Variants in CMYA5 observed in about 807,000 individuals in gnomAD.
CMYA5 encodes the protein cardiomyopathy associated 5.
A neutral mutation model predicts 318.9 loss-of-function variants in CMYA5; 246 were observed. The observed-to-expected ratio is 0.77, with a 90% confidence interval of 0.70 to 0.86. The LOEUF (loss-of-function observed/expected upper bound fraction) is 0.86. Ranked by LOEUF, CMYA5 falls within the 40% of genes least tolerant of loss-of-function variation. The probability of loss-of-function intolerance (pLI) is 0.00; values close to 1 mark genes in which losing one functional copy is unlikely to be tolerated. For synonymous variants in CMYA5, 1,641 were observed against 1,729.5 expected, an observed-to-expected ratio of 0.95 and a Z score of 1.27; for missense variants, 4,589 against 4,678.2, an observed-to-expected ratio of 0.98 and a Z score of 0.56.
intron 2 of CMYA5, among the ~76,000 whole-genome samples, chr5:79,741,131 G>A (rs1384712849): frequency 6.6e-6 from 1 of 152,080 alleles, no homozygotes; most frequent in Non-Finnish European, 1.5e-5. Context: ...TCCCTCTTTG[G>A]CCTCCCAAAG....
At position 79,745,280 on chromosome 5, in the gene CMYA5, A is replaced by C. The variant is rs1828297655; in HGVS notation, c.10793A>C (p.Lys3598Thr). The change falls in exon 4 of 13, where the codon AAG becomes ACG. Residue 3598 changes from lysine to threonine, a missense_variant. Physicochemically the swap from Lys to Thr is moderately conservative, Grantham distance 78. Around this residue, in one of 3 missense-constraint regions of CMYA5, gnomAD observed 2,431 missense variants for 2,495.1 expected, o/e 0.97. Transcript: ENST00000446378. Reference protein sequence around the residue: ...LEEQNEEMMKKVLAQYDEKAQ... With the variant: ...LEEQNEEMMKTVLAQYDEKAQ... ...GAACAGAATGAGGAAATGATGAAGA[A>C]GGTTTTAGCACAGTATGATGAGAAA... 1 of 1,612,380 alleles carries C rather than the reference A, an allele frequency of 6.2e-7. No homozygotes were observed. Among genetic ancestry groups the C allele is most frequent in the African/African-American group, 1.3e-5 (1 of 74,918 alleles).
At chr5:79,742,499 T>C (rs978847896) in intron 2 of CMYA5, among the ~76,000 whole-genome samples, 9 of 152,154 alleles carry the variant, frequency 5.9e-5, no homozygotes, top group Admixed American at 4.6e-4. Context: ...TTGGCAACTT[T>C]TTAAAAATAA....
intron 9 of CMYA5, among the ~76,000 whole-genome samples, chr5:79,778,347 T>C (rs903238890): frequency 2.0e-5 from 3 of 152,226 alleles, no homozygotes; most frequent in African/African-American, 7.2e-5. Flanking sequence ...ACTGTCTCTA[T>C]AGAGGTTGTA....
intron 5 of CMYA5, 37 bp from the exon 6 acceptor site, chr5:79,752,639 A>G (rs756464718): frequency 3.5e-6 from 5 of 1,446,792 alleles, no homozygotes; most frequent in East Asian, 2.3e-5. Flanking sequence ...GTATGTTAAT[A>G]ATTTTTTAAC....
chr5:79,745,565 A>G (rs1212677459), intron 4 of CMYA5, 110 bp downstream of exon 4: 1 of 745,684 alleles, frequency 1.3e-6, no homozygotes, highest in Non-Finnish European at 2.2e-6. Flanking sequence ...TCTGTGTGGG[A>G]TTTATATAAT....
intron 9 of CMYA5, among the ~76,000 whole-genome samples, chr5:79,788,057 T>G (rs1292763897): frequency 6.6e-6 from 1 of 152,086 alleles, no homozygotes; most frequent in Non-Finnish European, 1.5e-5. Context: ...AGAATGAACA[T>G]GAAGGCTATT....
Position 79,791,041 on chromosome 5 carries a change from A to G in CMYA5, c.11761A>G (p.Ser3921Gly). 6.2e-7 allele frequency: 1 copy of G among 1,613,772 alleles called. No individual in the cohort carries two copies. The highest frequency in any genetic ancestry group is 1.1e-5 in the South Asian group (1 of 91,002). Residue 3921 changes from serine (S) to glycine (G), a missense_variant, in exon 11 of 13, where the codon AGC becomes GGC. Ser to Gly is a moderately conservative substitution (Grantham distance 56). Coordinates refer to ENST00000446378, the MANE Select transcript of CMYA5 (RefSeq NM_153610.5). ...CATTTCCTCAAGTGGGACAGTGATC[A>G]GCTTTGGTGAGAGGAGACGGCTGAC... is the stretch of plus-strand genomic sequence containing the variant. The part of the protein sequence containing the change: ...LHISSSGTVI[S>G]FGERRRLTEI...
chr5:79,757,014 GA>G (rs1687113463), intron 6 of CMYA5, among the ~76,000 whole-genome samples: 1 of 151,986 alleles, frequency 6.6e-6, no homozygotes, highest in South Asian at 2.1e-4. Context: ...CCAACACGGT[GA>G]AACCCCATCT....
At chr5:79,758,699 C>T in intron 6 of CMYA5, 54 bp from the exon 7 acceptor site, 4 of 1,456,324 alleles carry the variant, frequency 2.7e-6, no homozygotes, top group Non-Finnish European at 3.7e-6. Context: ...TAACTTGTGC[C>T]CAAAAAATTA....
chr5:79,761,042 A>G (rs907619488), intron 7 of CMYA5, among the ~76,000 whole-genome samples: 3 of 152,322 alleles, frequency 2.0e-5, no homozygotes, highest in Admixed American at 6.5e-5. Context: ...TGAAATTACC[A>G]TAGGCAAAAT....
intron 1 of CMYA5, among the ~76,000 whole-genome samples, chr5:79,707,720 T>C (rs1827300855): frequency 6.6e-6 from 1 of 152,226 alleles, no homozygotes; most frequent in Non-Finnish European, 1.5e-5. Context: ...ATGAGCCACC[T>C]GTTGAACTAA....
chr5:79,758,812 G>A lies in CMYA5; in HGVS notation c.11170G>A (p.Ala3724Thr), dbSNP rs780025832. 5 of 1,600,320 alleles carry A rather than the reference G, an allele frequency of 3.1e-6. No homozygotes were observed. Among genetic ancestry groups the A allele is most frequent in the Admixed American group, 3.4e-5 (2 of 58,146 alleles). Residue 3724 changes from alanine (A) to threonine (T), a missense_variant, in exon 7 of 13, where the codon GCA becomes ACA. Physicochemically the swap from Ala to Thr is moderately conservative, Grantham distance 58 (BLOSUM62 0). This residue lies in a region of CMYA5 where 2,431 missense variants were observed against 2,495.1 expected (regional missense o/e 0.97). Coordinates refer to ENST00000446378, the MANE Select transcript of CMYA5 (RefSeq NM_153610.5). ...EPNSATSTTI[A>T]VYWSMNKEDV... ...AAATTCTGCCACCAGCACAACAATT[G>A]CAGTTTACTGGAGCATGAACAAGGA... is the stretch of plus-strand genomic sequence containing the variant.
chr5:79,789,773 A>G (rs947339040), intron 10 of CMYA5, among the ~76,000 whole-genome samples: 1 of 152,112 alleles, frequency 6.6e-6, no homozygotes, highest in Non-Finnish European at 1.5e-5. Context: ...ATTTGTGGAT[A>G]TGGTGTGTGT....
chr5:79,761,770 CT>C, intron 7 of CMYA5, 40 bp from the exon 8 acceptor site: 1 of 1,573,132 alleles, frequency 6.4e-7, no homozygotes, highest in Non-Finnish European at 8.6e-7. Context: ...TTTTAATTAA[CT>C]TTGGAAGATG....
At chr5:79,699,311 A>C (rs1827133239) in intron 1 of CMYA5, among the ~76,000 whole-genome samples, 1 of 152,108 alleles carries the variant, frequency 6.6e-6, no homozygotes, top group Non-Finnish European at 1.5e-5. Flanking sequence ...CCTCCTAACA[A>C]ATCATCTTGT....
In CMYA5 at chr5:79,728,924, C is replaced by A. The variant is rs189499447; in HGVS notation, c.159C>A (p.Asp53Glu). ...TTGTTATTTGCTATAGGTTATCAGA[C>A]CAGGATGAAGAGGGAAAGATCAAGC... ...SEEEPDSRLS[D>E]QDEEGKIKQE... Residue 53 changes from aspartate (D) to glutamate (E), a missense_variant, in exon 2 of 13, where the codon GAC (aspartate) becomes GAA (glutamate). This residue lies in a region of CMYA5 where 2,132 missense variants were observed against 2,131.3 expected (regional missense o/e 1.00). Transcript: ENST00000446378. The A allele has an allele frequency of 6.4e-3, 9,925 of 1,547,718 alleles. 40 individuals carry two copies. Among genetic ancestry groups the A allele is most frequent in the Non-Finnish European group, 7.8e-3 (8,970 of 1,146,268 alleles).
chr5:79,793,675 T>C, intron 12 of CMYA5, 65 bp downstream of exon 12: 2 of 1,453,410 alleles, frequency 1.4e-6, no homozygotes, highest in Non-Finnish European at 1.9e-6. Context: ...GGCAGGGCTC[T>C]CTGAGGGACC....
In CMYA5 at chr5:79,701,355, ATAAAT is replaced by A. The variant is rs576499573; in HGVS notation, c.149+11305_149+11309del. On this transcript the variant is annotated intron_variant, in intron 1 of 12. Transcript: ENST00000446378. ...TACATTTCAAAATATCTAGAAGAAA[ATAAAT>A]TAAATGTTCCTAGGGTAAAGAAAAA... 1.3e-3 allele frequency among the ~76,000 whole-genome samples: 192 copies of A among 152,338 alleles called. 2 individuals are homozygous for A. Among genetic ancestry groups the A allele is most frequent in the South Asian group, 8.1e-3 (39 of 4,832 alleles).
At position 79,742,261 on chromosome 5, in the gene CMYA5, T is replaced by C. The variant is rs114580504; in HGVS notation, c.10639-1566T>C. Among the ~76,000 whole-genome samples the C allele has an allele frequency of 7.8e-3, 1,185 of 151,582 alleles. 16 individuals are homozygous for C. Among genetic ancestry groups the C allele is most frequent in the African/African-American group, 0.027 (1,131 of 41,296 alleles). On this transcript the variant is annotated intron_variant, in intron 2 of 12. Transcript: ENST00000446378. ...GTAGAGTGCAGCGGCGTGATCATCA[T>C]AGCTCGCTGAAGCCTCCTGGGCTCA...
Sources: allele counts gnomAD v4.1 joint callset (sites outside exome capture counted in the v4.1 genomes callset), GRCh38; gene constraint gnomAD v4.1.1; regional missense constraint gnomAD v4.1.1; transcripts MANE v1.5; gene names NCBI Gene and HGNC (gene_info 2026-07-23, HGNC 2026-07-21).